The following NOL4 variants were observed in gnomAD, a reference collection of about 807,000 sequenced individuals.
The protein encoded by NOL4 is cancer/testis antigen 125.
Under a neutral mutation model 75.9 loss-of-function variants are expected in NOL4, and 17 were observed. That is an observed-to-expected ratio of 0.22 (90% confidence interval 0.15 to 0.34). NOL4 has a LOEUF of 0.34. NOL4 is among the 10% of genes least tolerant of loss of function. NOL4 has a pLI of 1.00. For synonymous variants in NOL4, 292 were observed against 289.9 expected (o/e 1.01, Z -0.07); for missense variants, 614 against 793.5 (o/e 0.77, Z 2.72).
chr18:34,073,977 G>T (rs1302577752), intron 5 of NOL4, among the ~76,000 whole-genome samples: 1 of 151,678 alleles, frequency 6.6e-6, no homozygotes, highest in Non-Finnish European at 1.5e-5. Flanking sequence ...GCTATAAAAA[G>T]CCAATATATA....
chr18:34,141,884 G>T, intron 1 of NOL4, among the ~76,000 whole-genome samples: 1 of 152,118 alleles, frequency 6.6e-6, no homozygotes, highest in Non-Finnish European at 1.5e-5. Flanking sequence ...ACTACCATCA[G>T]AGTGTACAGG....
intron 9 of NOL4, among the ~76,000 whole-genome samples, chr18:33,906,698 T>A (rs985884448): frequency 1.3e-5 from 2 of 152,188 alleles, no homozygotes; most frequent in East Asian, 1.9e-4. Flanking sequence ...TTGTAGTATT[T>A]TAGAACTTTT....
chr18:34,201,044 A>C (rs981003320), intron 1 of NOL4, among the ~76,000 whole-genome samples: 5 of 151,718 alleles, frequency 3.3e-5, no homozygotes, highest in African/African-American at 1.2e-4. Context: ...CATAAGATAG[A>C]GAGACTGTGA....
intron 6 of NOL4, among the ~76,000 whole-genome samples, chr18:33,991,187 A>G (rs1043796798): frequency 7.2e-5 from 11 of 151,944 alleles, no homozygotes; most frequent in African/African-American, 2.4e-4. Context: ...GCTGACTCCA[A>G]TATGGAAAAC....
In NOL4 at chr18:33,943,750, A is replaced by G. The variant is rs1398322158; in HGVS notation, c.1429-572T>C. ...AATGATTTTTATATATTAAAGGTTT[A>G]GTGCTTTAGATGTGAGATATGTTTG... On this transcript the variant is annotated intron_variant, in intron 8 of 10. Transcript: ENST00000261592. 2.6e-5 allele frequency among the ~76,000 whole-genome samples: 4 copies of G among 151,956 alleles called. No homozygotes were observed. The East Asian group carries it at 7.7e-4, about 29-fold the overall frequency.
At chr18:34,082,329 T>C (rs1386347118) in intron 5 of NOL4, among the ~76,000 whole-genome samples, 1 of 151,876 alleles carries the variant, frequency 6.6e-6, no homozygotes, top group Non-Finnish European at 1.5e-5. Context: ...GATGATAGGC[T>C]AGTAAATTAG....
At chr18:33,881,461 C>T (rs1428753332) in intron 10 of NOL4, among the ~76,000 whole-genome samples, 1 of 151,692 alleles carries the variant, frequency 6.6e-6, no homozygotes, top group African/African-American at 2.4e-5. Flanking sequence ...AAAGGGAATG[C>T]TTCCAGTTTT....
rs1490792927 is a variant in NOL4, at chr18:34,223,350, G to A, written c.-97C>T. ...AATGCAGCCCCGGCCACGTTGCAGG[G>A]ATGCGAGGTCCCGGCCGCAGCGGGA... is the stretch of plus-strand genomic sequence containing the variant. On this transcript the variant is annotated 5_prime_UTR_variant, in exon 1 of 11. Coordinates refer to ENST00000261592, the MANE Select transcript of NOL4 (RefSeq NM_003787.5). 5 of 1,508,864 alleles carry A rather than the reference G, an allele frequency of 3.3e-6. No homozygotes were observed. Among genetic ancestry groups the A allele is most frequent in the Non-Finnish European group, 4.4e-6 (5 of 1,126,764 alleles). 93.5% of individuals were successfully genotyped at this position (1,508,864 alleles called of 1,614,324 possible).
chr18:34,063,396 T>C (rs1184798885), intron 5 of NOL4, among the ~76,000 whole-genome samples: 1 of 152,110 alleles, frequency 6.6e-6, no homozygotes, highest in South Asian at 2.1e-4. Context: ...TAATATCCAC[T>C]AATTATCTTA....
At chr18:34,074,637 A>T (rs1237596384) in intron 5 of NOL4, among the ~76,000 whole-genome samples, 2 of 152,048 alleles carry the variant, frequency 1.3e-5, no homozygotes, top group Non-Finnish European at 2.9e-5. Flanking sequence ...TCATAGCCCA[A>T]GGAAGATGAT....
chr18:34,123,483 A>C (rs1384582541), intron 2 of NOL4, among the ~76,000 whole-genome samples: 1 of 147,370 alleles, frequency 6.8e-6, no homozygotes, highest in African/African-American at 2.5e-5. Flanking sequence ...GTGAAAAGTA[A>C]TGTGTTTATA....
intron 9 of NOL4, among the ~76,000 whole-genome samples, chr18:33,905,910 A>G (rs927675284): frequency 1.3e-5 from 2 of 152,130 alleles, no homozygotes; most frequent in Non-Finnish European, 2.9e-5. Flanking sequence ...GGGAGACAAC[A>G]TCCCATTGTC....
chr18:34,095,285 A>G (rs765141926), intron 4 of NOL4, among the ~76,000 whole-genome samples: 18 of 75,974 alleles, frequency 2.4e-4, no homozygotes, highest in South Asian at 3.8e-4. Flanking sequence ...GTGTGTGTGT[A>G]TGCAAAAATA....
intron 6 of NOL4, among the ~76,000 whole-genome samples, chr18:34,011,364 T>G (rs1248188219): frequency 6.6e-6 from 1 of 151,852 alleles, no homozygotes; most frequent in Non-Finnish European, 1.5e-5. Context: ...AAATTAGAAT[T>G]TATAACTCTA....
intron 1 of NOL4, among the ~76,000 whole-genome samples, chr18:34,176,333 C>A (rs993149367): frequency 6.6e-6 from 1 of 151,690 alleles, no homozygotes; most frequent in African/African-American, 2.4e-5. Flanking sequence ...TAGAGGCCTG[C>A]AAGATATCAT....
chr18:34,022,367 A>G (rs1734601310), intron 5 of NOL4, among the ~76,000 whole-genome samples: 2 of 152,048 alleles, frequency 1.3e-5, no homozygotes, highest in Admixed American at 1.3e-4. Flanking sequence ...GAAACTGGCC[A>G]TAAATAATAT....
At chr18:33,902,451 G>A (rs2065798904) in intron 9 of NOL4, among the ~76,000 whole-genome samples, 1 of 152,010 alleles carries the variant, frequency 6.6e-6, no homozygotes, top group Non-Finnish European at 1.5e-5. Flanking sequence ...TTTAACTGTT[G>A]TTGTAGACTG....
chr18:33,908,625 T>C (rs1372024880), intron 9 of NOL4, among the ~76,000 whole-genome samples: 1 of 152,224 alleles, frequency 6.6e-6, no homozygotes, highest in Admixed American at 6.5e-5. Flanking sequence ...ATTGCCCATC[T>C]GTTTTGGTAT....
At chr18:33,957,240 G>C (rs2069720317) in intron 8 of NOL4, 86 bp downstream of exon 8, 1 of 1,119,980 alleles carries the variant, frequency 8.9e-7, no homozygotes, top group South Asian at 2.1e-5. Flanking sequence ...AATAAAAAAA[G>C]ACACTAAGAT....
Sources: allele counts gnomAD v4.1 joint callset (sites outside exome capture counted in the v4.1 genomes callset), GRCh38; gene constraint gnomAD v4.1.1; transcripts MANE v1.5; gene names NCBI Gene and HGNC (gene_info 2026-07-23, HGNC 2026-07-21).